Variants in CDH18 observed in about 807,000 individuals in gnomAD.
CDH18 encodes cadherin-18.
Under a neutral mutation model 67.9 loss-of-function variants are expected in CDH18, and 31 were observed. The ratio of observed to expected loss-of-function variants is 0.46; its 90% CI spans 0.34 to 0.62. The LOEUF is 0.62. Among genes scored for constraint, CDH18 ranks in the 20% least tolerant of loss-of-function variants. The pLI is 0.01. For missense variants in CDH18, 890 were observed against 975.5 expected (o/e 0.91, Z 1.17); for synonymous variants, 362 against 347.2 (o/e 1.04, Z -0.48).
chr5:19,674,895 C>T (rs115476129), intron 5 of CDH18, among the ~76,000 whole-genome samples: 1,539 of 152,098 alleles, frequency 0.01, 24 homozygotes, highest in African/African-American at 0.036. Flanking sequence ...TAAAACAATA[C>T]AAGAGATAAA....
intron 1 of CDH18, among the ~76,000 whole-genome samples, chr5:20,374,689 G>C (rs1272446552): frequency 6.6e-6 from 1 of 151,854 alleles, no homozygotes; most frequent in Non-Finnish European, 1.5e-5. Context: ...AAAACTTCAG[G>C]GAAAGAGGGG....
chr5:20,043,177 C>T (rs991616743), intron 2 of CDH18, among the ~76,000 whole-genome samples: 3 of 151,988 alleles, frequency 2.0e-5, no homozygotes, highest in Non-Finnish European at 4.4e-5. Context: ...TCATGACTAT[C>T]AGTAATGTCT....
At chr5:20,524,766 T>C (rs1239870264) in intron 1 of CDH18, among the ~76,000 whole-genome samples, 1 of 152,176 alleles carries the variant, frequency 6.6e-6, no homozygotes, top group Non-Finnish European at 1.5e-5. Context: ...TTATCAGTGT[T>C]CTAGCTATCA....
intron 2 of CDH18, among the ~76,000 whole-genome samples, chr5:19,994,296 C>T (rs1159201058): frequency 6.6e-6 from 1 of 151,074 alleles, no homozygotes; most frequent in African/African-American, 2.4e-5. Context: ...TATATGTATA[C>T]ATATATACAC....
intron 2 of CDH18, among the ~76,000 whole-genome samples, chr5:20,182,261 A>T (rs2126686769): frequency 6.6e-6 from 1 of 152,058 alleles, no homozygotes; most frequent in African/African-American, 2.4e-5. Flanking sequence ...CTAAAAATTT[A>T]TCATTTCCTC....
At chr5:20,275,316 C>T (rs1745725470) in intron 1 of CDH18, among the ~76,000 whole-genome samples, 1 of 151,908 alleles carries the variant, frequency 6.6e-6, no homozygotes, top group Non-Finnish European at 1.5e-5. Flanking sequence ...GTGGCACTTC[C>T]CCCATCATGC....
At chr5:20,538,088 G>T (rs10074772) in intron 1 of CDH18, among the ~76,000 whole-genome samples, 6,172 of 124,906 alleles carry the variant, frequency 0.049, 409 homozygotes, top group African/African-American at 0.14. Flanking sequence ...GAGTTTACTT[G>T]CCAATAGAAA....
At chr5:20,208,568 G>A (rs2126359532) in intron 2 of CDH18, among the ~76,000 whole-genome samples, 1 of 152,144 alleles carries the variant, frequency 6.6e-6, no homozygotes, top group South Asian at 2.1e-4. Flanking sequence ...TAAAAAAAAT[G>A]TAAAAATTAT....
At chr5:19,843,204 G>C (rs1782538031) in intron 2 of CDH18, among the ~76,000 whole-genome samples, 1 of 152,166 alleles carries the variant, frequency 6.6e-6, no homozygotes, top group Non-Finnish European at 1.5e-5. Context: ...CTAAGGCCCA[G>C]AGTCCTAGGC....
At position 19,482,768 on chromosome 5, in the gene CDH18, T is replaced by A. The variant is rs142298716; in HGVS notation, c.1882+533A>T. On this transcript the variant is annotated intron_variant, in intron 12 of 12. Coordinates refer to ENST00000382275, the MANE Select transcript of CDH18 (RefSeq NM_004934.5). ...TTTCACGTGAAGGGGAAAAAGCACC[T>A]GAAGTTTACTGTCTTTGCAAATTTC... Among the ~76,000 whole-genome samples, 939 of 152,300 alleles carry A rather than the reference T, an allele frequency of 6.2e-3. 9 individuals are homozygous for A. Among genetic ancestry groups the A allele is most frequent in the African/African-American group, 0.021 (883 of 41,546 alleles).
chr5:19,764,658 CAT>C (rs1267352072), intron 3 of CDH18, among the ~76,000 whole-genome samples: 1 of 150,918 alleles, frequency 6.6e-6, no homozygotes, highest in African/African-American at 2.4e-5. Context: ...TACACACACA[CAT>C]ACACATATAT....
At chr5:20,063,421 G>T (rs1416331054) in intron 2 of CDH18, among the ~76,000 whole-genome samples, 1 of 151,934 alleles carries the variant, frequency 6.6e-6, no homozygotes, top group South Asian at 2.1e-4. Flanking sequence ...CACTGTGTAT[G>T]CATTATTTAT....
At chr5:19,982,959 G>A (rs998592229) in intron 1 of CDH18, among the ~76,000 whole-genome samples, 3 of 150,028 alleles carry the variant, frequency 2.0e-5, no homozygotes, top group South Asian at 2.1e-4. Context: ...CAGGAGAATC[G>A]CTTGAACCTG....
intron 3 of CDH18, among the ~76,000 whole-genome samples, chr5:19,791,833 T>C (rs1776390613): frequency 6.6e-6 from 1 of 152,204 alleles, no homozygotes; most frequent in African/African-American, 2.4e-5. Context: ...TACTTATTCA[T>C]TTACACTAGC....
chr5:20,506,050 A>G (rs1477237669), intron 1 of CDH18, among the ~76,000 whole-genome samples: 1 of 152,190 alleles, frequency 6.6e-6, no homozygotes, highest in Non-Finnish European at 1.5e-5. Context: ...AAGAGAAAGA[A>G]AGGAGTCAAA....
chr5:19,858,819 T>A (rs191783267), intron 2 of CDH18, among the ~76,000 whole-genome samples: 2 of 152,110 alleles, frequency 1.3e-5, no homozygotes, highest in Non-Finnish European at 2.9e-5. Flanking sequence ...GCAGAAAAAC[T>A]CATTTGTTAG....
At chr5:20,082,617 T>A (rs1419139433) in intron 2 of CDH18, among the ~76,000 whole-genome samples, 5 of 152,192 alleles carry the variant, frequency 3.3e-5, no homozygotes, top group African/African-American at 1.2e-4. Context: ...AAGAAAGATA[T>A]ATTGAAGTCT....
upstream of CDH18, chr5:19,992,120 C>T (rs2150386539): frequency 6.6e-6 from 1 of 151,298 alleles, no homozygotes; most frequent in South Asian, 2.1e-4. Flanking sequence ...ACCGTATGTG[C>T]AATTAATTCT....
intron 2 of CDH18, among the ~76,000 whole-genome samples, chr5:19,903,194 A>G (rs565441279): frequency 6.6e-6 from 1 of 151,944 alleles, no homozygotes; most frequent in African/African-American, 2.4e-5. Flanking sequence ...ATAACAAAGT[A>G]TTCCACATTT....
Sources: gnomAD v4.1 joint callset for allele counts (sites outside exome capture counted in the v4.1 genomes callset) on GRCh38, gnomAD v4.1.1 for gene constraint, MANE v1.5 for transcripts, NCBI Gene and HGNC (gene_info 2026-07-23, HGNC 2026-07-21) for gene names.